The following ANGPT2 variants were observed in gnomAD, a reference collection of about 807,000 sequenced individuals.
ANGPT2 encodes angiopoietin 2.
A neutral mutation model predicts 62.9 loss-of-function variants in ANGPT2; 28 were observed. That is an observed-to-expected ratio of 0.44 (90% CI 0.33 to 0.61). ANGPT2 has a LOEUF of 0.61. ANGPT2 is among the 20% of genes least tolerant of loss of function. The pLI is 0.03. For synonymous variants in ANGPT2, 284 were observed against 207.8 expected, an observed-to-expected ratio of 1.37 and a Z score of -3.15; for missense variants, 727 against 594.9, an observed-to-expected ratio of 1.22 and a Z score of -2.31.
chr8:6,552,419 G>A (rs1277917735), intron 1 of ANGPT2, among the ~76,000 whole-genome samples: 1 of 152,164 alleles, frequency 6.6e-6, no homozygotes, highest in African/African-American at 2.4e-5. Flanking sequence ...ACTTACGATG[G>A]TCCTTTTCAT....
At chr8:6,503,526 C>T (rs866765899) in intron 8 of ANGPT2, among the ~76,000 whole-genome samples, 8 of 152,126 alleles carry the variant, frequency 5.3e-5, no homozygotes, top group South Asian at 4.1e-4. Context: ...CTGAATTCTC[C>T]ACAGTCCTAT....
rs142921139 is a variant in ANGPT2 at position 6,543,068 on chromosome 8, C to T, written c.289-10581G>A. 1.7e-3 allele frequency among the ~76,000 whole-genome samples: 255 copies of T among 152,216 alleles called. 3 individuals are homozygous for T. Among genetic ancestry groups the T allele is most frequent in the Admixed American group, 3.5e-3 (54 of 15,280 alleles). On this transcript the variant is annotated intron_variant, in intron 1 of 8. Transcript: ENST00000629816. ...CACAGCAGGGCTGTGCGTGCCCTGC[C>T]GGGTCCCACTGCCTCTGGACAGAAA...
intron 1 of ANGPT2, among the ~76,000 whole-genome samples, chr8:6,561,655 C>T (rs1372116554): frequency 6.6e-6 from 1 of 152,202 alleles, no homozygotes; most frequent in Non-Finnish European, 1.5e-5. Context: ...GTAATGGCAT[C>T]ATCATGCTAC....
rs776254429 is a variant in ANGPT2 at position 6,499,911 on chromosome 8, C to G, written c.*3190G>C. 1.4e-5 allele frequency: 22 copies of G among 1,613,564 alleles called. No homozygotes were observed. The highest frequency in any genetic ancestry group is 6.7e-5 in the Admixed American group (4 of 59,994). ...CTGAGGAGCCGTTCGAACTGTCTCA[C>G]CACTTCCCTGCAGCTCCCGTAAGTC... On this transcript the variant is annotated 3_prime_UTR_variant, in exon 9 of 9. Transcript: ENST00000629816.
At chr8:6,531,599 G>T (rs2515479) in intron 2 of ANGPT2, among the ~76,000 whole-genome samples, 118,979 of 152,138 alleles carry the variant, frequency 0.78, 46,989 homozygotes, top group East Asian at 0.91. Flanking sequence ...GCCACTAGTT[G>T]ACTATTTCAG....
chr8:6,522,291 C>T (rs1479073202), intron 3 of ANGPT2, among the ~76,000 whole-genome samples: 1 of 151,398 alleles, frequency 6.6e-6, no homozygotes, highest in Admixed American at 6.6e-5. Flanking sequence ...GGAGGCGGAG[C>T]TTGCAGTGAG....
intron 2 of ANGPT2, among the ~76,000 whole-genome samples, chr8:6,531,796 G>A (rs545582468): frequency 2.4e-3 from 193 of 80,566 alleles, no homozygotes; most frequent in African/African-American, 5.3e-3. Context: ...GCTCTTGCTC[G>A]GGCGTAGCAC....
chr8:6,517,167 G>A (rs1047564329), intron 5 of ANGPT2, among the ~76,000 whole-genome samples: 1 of 152,176 alleles, frequency 6.6e-6, no homozygotes, highest in Non-Finnish European at 1.5e-5. Flanking sequence ...CAAAGCAGAA[G>A]TCCTCAGATA....
At chr8:6,536,521 C>T (rs966821091) in intron 1 of ANGPT2, among the ~76,000 whole-genome samples, 1 of 152,088 alleles carries the variant, frequency 6.6e-6, no homozygotes, top group Non-Finnish European at 1.5e-5. Context: ...CCATTTTTAC[C>T]ACCAGAAAAG....
intron 8 of ANGPT2, among the ~76,000 whole-genome samples, chr8:6,503,666 C>T (rs28540519): frequency 0.086 from 13,152 of 152,202 alleles, 1,056 homozygotes; most frequent in African/African-American, 0.21. Flanking sequence ...CTCGCTCAGG[C>T]TCCCCTTGCT....
chr8:6,509,093 G>A (rs1045262552), intron 7 of ANGPT2, 31 bp from the exon 8 acceptor site: 1 of 1,603,876 alleles, frequency 6.2e-7, no homozygotes, highest in South Asian at 1.1e-5. Context: ...AAAACACATT[G>A]GCTAGGGTCA....
At chr8:6,541,997 G>A (rs571448558) in intron 1 of ANGPT2, among the ~76,000 whole-genome samples, 17 of 136,242 alleles carry the variant, frequency 1.2e-4, no homozygotes, top group African/African-American at 4.5e-4. Flanking sequence ...GACAGAATGA[G>A]ACTCAATCTC....
chr8:6,547,781 C>T lies in ANGPT2; in HGVS notation c.288+14866G>A, dbSNP rs1028755098. 3.3e-5 allele frequency among the ~76,000 whole-genome samples: 5 copies of T among 152,144 alleles called. No homozygotes were observed. The South Asian group carries it at 8.3e-4, about 25-fold the overall frequency. Reference sequence around the variant, plus strand: ...TCGGTGGGAACAAAAGCTCCCATGCCGGTGGGAATGCGGGGCCAGGGGAGC... The same window carrying T: ...TCGGTGGGAACAAAAGCTCCCATGCTGGTGGGAATGCGGGGCCAGGGGAGC... On this transcript the variant is annotated intron_variant, in intron 1 of 8. Transcript: ENST00000629816.
chr8:6,548,484 G>A (rs1823011304), intron 1 of ANGPT2, among the ~76,000 whole-genome samples: 1 of 152,164 alleles, frequency 6.6e-6, no homozygotes, highest in Non-Finnish European at 1.5e-5. Context: ...CGAGGAAAAT[G>A]CTGGGTTTTT....
chr8:6,539,367 A>G (rs1267073146), intron 1 of ANGPT2, among the ~76,000 whole-genome samples: 1 of 152,160 alleles, frequency 6.6e-6, no homozygotes, highest in African/African-American at 2.4e-5. Context: ...CTTCACGTTC[A>G]GTGTAAGGCC....
intron 1 of ANGPT2, among the ~76,000 whole-genome samples, chr8:6,548,648 C>T (rs1823043633): frequency 6.6e-6 from 1 of 152,142 alleles, no homozygotes; most frequent in African/African-American, 2.4e-5. Context: ...GAAGGTGAAG[C>T]TTAATGCAAT....
intron 1 of ANGPT2, among the ~76,000 whole-genome samples, chr8:6,540,261 C>G (rs1416438544): frequency 2.0e-5 from 3 of 152,176 alleles, no homozygotes; most frequent in Admixed American, 6.5e-5. Flanking sequence ...TCCCTTACCA[C>G]TACTCCAAAA....
At chr8:6,504,767 T>C (rs1812937853) in intron 8 of ANGPT2, among the ~76,000 whole-genome samples, 1 of 152,166 alleles carries the variant, frequency 6.6e-6, no homozygotes, top group African/African-American at 2.4e-5. Context: ...AGTTTTATTA[T>C]TGTTAAGTCT....
At chr8:6,528,713 A>G (rs1288500390) in intron 2 of ANGPT2, among the ~76,000 whole-genome samples, 2 of 152,248 alleles carry the variant, frequency 1.3e-5, no homozygotes, top group African/African-American at 4.8e-5. Flanking sequence ...ATGCTTATTC[A>G]GGATGTGATA....
Sources: gnomAD v4.1 joint callset for allele counts (sites outside exome capture counted in the v4.1 genomes callset) on GRCh38, gnomAD v4.1.1 for gene constraint, MANE v1.5 for transcripts, NCBI Gene and HGNC (gene_info 2026-07-23, HGNC 2026-07-21) for gene names.